The following ZNF335 variants were observed in gnomAD, a reference collection of about 807,000 sequenced individuals.
ZNF335 encodes zinc finger protein 335.
In ZNF335, 84 loss-of-function variants were observed where a neutral mutation model predicts 145.6. That is an observed-to-expected ratio of 0.58 (90% confidence interval 0.48 to 0.69). The LOEUF (loss-of-function observed/expected upper bound fraction) is 0.69, where lower values mean the gene tolerates loss of function less well. ZNF335 is among the 30% of genes least tolerant of loss of function. ZNF335 has a pLI of 0.00. For missense variants in ZNF335, 1,865 were observed against 1,809.7 expected (o/e 1.03, Z -0.55); for synonymous variants, 761 against 717.0 (o/e 1.06, Z -0.98).
At chr20:45,968,233 C>T in intron 4 of ZNF335, 52 bp downstream of exon 4, 1 of 1,584,836 alleles carries the variant, frequency 6.3e-7, no homozygotes, top group East Asian at 2.3e-5. Flanking sequence ...CTGTCCTCAC[C>T]TATCCCCCTG....
intron 4 of ZNF335, 96 bp from the exon 5 acceptor site, chr20:45,968,123 G>A (rs2083995253): frequency 6.4e-7 from 1 of 1,553,066 alleles, no homozygotes; most frequent in Non-Finnish European, 8.8e-7. Flanking sequence ...AGGGAGTGCA[G>A]AACCAAATTC....
chr20:45,971,815 G>C (rs2084074673), intron 1 of ZNF335: 3 of 985,148 alleles, frequency 3.0e-6, no homozygotes, highest in Non-Finnish European at 3.6e-6. Context: ...GGTACAGCCC[G>C]CTGGCCCCCT....
Position 45,963,635 on chromosome 20 carries a change from C to T in ZNF335, c.1371G>A (p.Ser457=), listed in dbSNP as rs540767465. ...GKKYRKYYYK[S]PKPLLRPFLC... is the part of the protein sequence containing the mutation. ...GGAAGGGCCTCAAAAGTGGTTTGGG[C>T]GACTTGTAATAGTACCTGCAGGATG... Residue 457 remains serine, a synonymous_variant, in exon 9 of 28, where the codon TCG becomes TCA. Transcript: ENST00000322927. 2.7e-5 allele frequency: 44 copies of T among 1,614,116 alleles called. No homozygotes were observed. In the African/African-American group the frequency reaches 4.5e-4, roughly 17 times the overall value.
At position 45,967,612 on chromosome 20, in the gene ZNF335, A is replaced by G; in HGVS notation, c.837T>C (p.Ala279=). The G allele has an allele frequency of 6.2e-7, 1 of 1,613,928 alleles. No homozygotes were observed. Among genetic ancestry groups the G allele is most frequent in the Admixed American group, 1.7e-5 (1 of 59,998 alleles). Residue 279 remains alanine (A), a synonymous_variant, in exon 6 of 28, where the codon GCT becomes GCC. Coordinates refer to ENST00000322927, the MANE Select transcript of ZNF335 (RefSeq NM_022095.4). ...ACTTCCGTAGACGTCCTTTTTTACC[A>G]GCTGCTGCTGCGGCTGCTGCTACTG... is the stretch of plus-strand genomic sequence containing the variant. ...FRPVAAAAAA[A]GKKGRLRKWS...
intron 18 of ZNF335, 139 bp from the exon 19 acceptor site, chr20:45,952,848 T>C: frequency 2.9e-6 from 2 of 682,880 alleles, no homozygotes; most frequent in Non-Finnish European, 2.5e-6. Flanking sequence ...ACTGTGGCTC[T>C]GCCCTGTTAC....
In ZNF335 at chr20:45,963,876, A is replaced by C. The variant is rs141949131; in HGVS notation, c.1217T>G (p.Val406Gly). The change falls in exon 8 of 28, where the codon GTG becomes GGG. Residue 406 changes from valine (V) to glycine (G), a missense_variant. Coordinates refer to ENST00000322927, the MANE Select transcript of ZNF335 (RefSeq NM_022095.4). ...GPGHLVAMGK[V>G]SRTPVEAGVS... is the part of the protein sequence containing the mutation. ...ACCAGCTTCCACAGGGGTCCTGCTCACCTTGCCCATGGCCACCAGGTGTCC... is the reference window on the plus strand; with the variant it reads ...ACCAGCTTCCACAGGGGTCCTGCTCCCCTTGCCCATGGCCACCAGGTGTCC... 246 of 1,606,790 alleles carry C rather than the reference A, an allele frequency of 1.5e-4. No individual in the cohort carries two copies. Among genetic ancestry groups the C allele is most frequent in the Admixed American group, 1.2e-3 (73 of 59,426 alleles).
intron 2 of ZNF335, among the ~76,000 whole-genome samples, chr20:45,970,468 C>T (rs1422809185): frequency 1.3e-5 from 2 of 152,238 alleles, no homozygotes; most frequent in African/African-American, 4.8e-5. Flanking sequence ...TAATTCATTT[C>T]ATCCTCACAA....
rs1198406705 is a variant in ZNF335 at position 45,969,461 on chromosome 20, G to T, written c.432C>A (p.Asp144Glu). The T allele has an allele frequency of 6.5e-7, 1 of 1,544,778 alleles. No homozygotes were observed. The highest frequency in any genetic ancestry group is 1.2e-5 in the South Asian group (1 of 81,880). ...DKIIESTIGP[D>E]LIQNCITVTS... The stretch of plus-strand genomic sequence containing the variant: ...CTCTGCCTGACTCACTCTGGATGAG[G>T]TCGGGCCCGATGGTGGACTCGATGA... Residue 144 changes from aspartate to glutamate, a missense_variant, in exon 3 of 28, where the codon GAC becomes GAA. Coordinates refer to ENST00000322927, the MANE Select transcript of ZNF335 (RefSeq NM_022095.4).
chr20:45,967,255 T>C (rs2083972502), intron 6 of ZNF335: 4 of 578,558 alleles, frequency 6.9e-6, no homozygotes, highest in South Asian at 2.0e-5. Context: ...CACCTTTACT[T>C]GTATTCTATT....
chr20:45,965,827 A>T, intron 6 of ZNF335, 53 bp from the exon 7 acceptor site: 1 of 1,550,802 alleles, frequency 6.4e-7, no homozygotes, highest in Non-Finnish European at 8.7e-7. Context: ...CTGCCCTTTC[A>T]GCCCTGACCC....
chr20:45,956,649 A>G (rs1251836106), intron 17 of ZNF335, among the ~76,000 whole-genome samples: 2 of 151,950 alleles, frequency 1.3e-5, no homozygotes, highest in Non-Finnish European at 2.9e-5. Context: ...AGACTCCTAC[A>G]TATTTGGGAA....
chr20:45,957,782 C>A, intron 16 of ZNF335, 53 bp downstream of exon 16: 1 of 1,607,506 alleles, frequency 6.2e-7, no homozygotes, highest in Non-Finnish European at 8.5e-7. Context: ...CCTGCCCCTG[C>A]CCAACTCAGA....
Position 45,957,671 on chromosome 20 carries a change from T to G in ZNF335, c.2357A>C (p.Glu786Ala), listed in dbSNP as rs768231729. ...ATIIYQQGAE[E>A]STAMATQTAL... ...TGTCTGCGTGGCCATCGCTGTCGAC[T>G]CCTCAGCTCCTGGGTGGGGTGGGAC... The change falls in exon 17 of 28, where the codon GAG becomes GCG. Residue 786 changes from glutamate (E) to alanine (A), a missense_variant. Physicochemically the swap from Glu to Ala is moderately radical, Grantham distance 107. Coordinates refer to ENST00000322927, the MANE Select transcript of ZNF335 (RefSeq NM_022095.4). 22 of 1,613,982 alleles carry G rather than the reference T, an allele frequency of 1.4e-5. No homozygotes were observed. The African/African-American group carries it at 1.9e-4, about 14-fold the overall frequency.
intron 10 of ZNF335, 22 bp downstream of exon 10, chr20:45,962,048 T>C: frequency 1.9e-6 from 2 of 1,073,204 alleles, no homozygotes; most frequent in Non-Finnish European, 2.7e-6. Flanking sequence ...CTTGCCCAGG[T>C]CCCTCCCACC....
intron 6 of ZNF335, among the ~76,000 whole-genome samples, chr20:45,966,327 C>T (rs1054591475): frequency 1.3e-5 from 2 of 151,958 alleles, no homozygotes; most frequent in East Asian, 1.9e-4. Flanking sequence ...ATCCATCTGC[C>T]TCAGCCTCCC....
Position 45,949,621 on chromosome 20 carries a change from C to T in ZNF335, c.3670-53G>A. ...AGGCAGGTGCTGAGGCCCCACTCGC[C>T]AGGAGCTTAGCTAAGAAGGCAGAGT... On this transcript the variant is annotated intron_variant, in intron 24 of 27. Coordinates refer to ENST00000322927, the MANE Select transcript of ZNF335 (RefSeq NM_022095.4). The T allele has an allele frequency of 3.2e-6, 5 of 1,548,884 alleles. No individual in the cohort carries two copies. The Admixed American group carries it at 7.2e-5, about 22-fold the overall frequency.
chr20:45,959,526 G>A, intron 14 of ZNF335, 93 bp from the exon 15 acceptor site: 3 of 964,008 alleles, frequency 3.1e-6, no homozygotes, highest in Non-Finnish European at 4.2e-6. Context: ...CTCTCCAACT[G>A]ACTGACTTCC....
At chr20:45,968,083 G>A (rs2083994278) in intron 4 of ZNF335, 56 bp from the exon 5 acceptor site, 3 of 1,602,486 alleles carry the variant, frequency 1.9e-6, no homozygotes, top group African/African-American at 2.7e-5. Flanking sequence ...CACTGGCCAT[G>A]AGCTATAGCT....
chr20:45,952,784 C>A, intron 18 of ZNF335, 75 bp from the exon 19 acceptor site: 1 of 1,366,604 alleles, frequency 7.3e-7, no homozygotes, highest in South Asian at 1.2e-5. Flanking sequence ...CAGGCATCAA[C>A]TGAGGAGTGA....
Sources: gnomAD v4.1 joint callset for allele counts (sites outside exome capture counted in the v4.1 genomes callset) on GRCh38, gnomAD v4.1.1 for gene constraint, MANE v1.5 for transcripts, NCBI Gene and HGNC (gene_info 2026-07-23, HGNC 2026-07-21) for gene names.